ESRRG: variants seen among roughly 807,000 people sequenced by gnomAD.
The protein encoded by ESRRG is estrogen-related receptor gamma.
A neutral mutation model predicts 44.0 loss-of-function variants in ESRRG; 13 were observed. The ratio of observed to expected loss-of-function variants is 0.30; its 90% CI spans 0.19 to 0.47. The LOEUF (loss-of-function observed/expected upper bound fraction) is 0.47, where lower values mean the gene tolerates loss of function less well. Ranked by LOEUF, ESRRG falls within the 20% of genes least tolerant of loss-of-function variation. The pLI is 1.00. For synonymous variants in ESRRG, 215 were observed against 214.6 expected, an observed-to-expected ratio of 1.00 and a Z score of -0.02; for missense variants, 395 against 580.6, an observed-to-expected ratio of 0.68 and a Z score of 3.29.
intron 1 of ESRRG, among the ~76,000 whole-genome samples, chr1:217,107,106 G>A (rs1159270986): frequency 2.6e-5 from 4 of 152,100 alleles, no homozygotes; most frequent in Non-Finnish European, 5.9e-5. Context: ...TGATTAATCT[G>A]AATATCCTCT....
chr1:216,525,324 C>T (rs997749810), intron 5 of ESRRG, among the ~76,000 whole-genome samples: 4 of 152,086 alleles, frequency 2.6e-5, no homozygotes, highest in African/African-American at 7.2e-5. Context: ...TGTGCAGTTC[C>T]TCTTTGGAAG....
intron 1 of ESRRG, among the ~76,000 whole-genome samples, chr1:216,993,046 G>A (rs926128105): frequency 2.6e-5 from 4 of 152,096 alleles, no homozygotes; most frequent in Admixed American, 1.3e-4. Context: ...CTACCAACCC[G>A]AATGTAAGTT....
At chr1:217,127,353 T>C (rs984221017) in intron 1 of ESRRG, among the ~76,000 whole-genome samples, 1 of 152,194 alleles carries the variant, frequency 6.6e-6, no homozygotes, top group African/African-American at 2.4e-5. Flanking sequence ...CTTATGCAGG[T>C]AAACAGGTGA....
intron 2 of ESRRG, among the ~76,000 whole-genome samples, chr1:216,764,285 T>C (rs1288015901): frequency 2.6e-5 from 4 of 152,018 alleles, no homozygotes; most frequent in Non-Finnish European, 2.9e-5. Flanking sequence ...TCTTTTTTTT[T>C]TTCTGACAGG....
At chr1:216,851,652 A>T (rs1352183298) in intron 2 of ESRRG, among the ~76,000 whole-genome samples, 2 of 152,170 alleles carry the variant, frequency 1.3e-5, no homozygotes, top group South Asian at 2.1e-4. Context: ...CAGCCTCCAG[A>T]ACTGTAAGAA....
At chr1:216,558,476 G>T (rs1377078171) in intron 5 of ESRRG, among the ~76,000 whole-genome samples, 4 of 152,008 alleles carry the variant, frequency 2.6e-5, no homozygotes, top group Admixed American at 2.0e-4. Flanking sequence ...TGTTTGTTCT[G>T]AATTTTTATA....
intron 3 of ESRRG, among the ~76,000 whole-genome samples, chr1:216,631,660 T>G (rs1454626949): frequency 6.6e-6 from 1 of 152,146 alleles, no homozygotes; most frequent in Non-Finnish European, 1.5e-5. Context: ...TATATAAGTA[T>G]ATATACGATA....
intron 1 of ESRRG, among the ~76,000 whole-genome samples, chr1:216,984,456 C>T (rs1029706511): frequency 6.6e-6 from 1 of 152,170 alleles, no homozygotes; most frequent in Non-Finnish European, 1.5e-5. Flanking sequence ...AATATGGAAG[C>T]TTCTTATAAT....
At chr1:216,710,011 A>T (rs1353135808) in intron 1 of ESRRG, among the ~76,000 whole-genome samples, 2 of 152,082 alleles carry the variant, frequency 1.3e-5, no homozygotes, top group Non-Finnish European at 2.9e-5. Flanking sequence ...TTATAGTTTT[A>T]AAAAAAGAGA....
chr1:216,667,602 C>T (rs2074210791), intron 2 of ESRRG, among the ~76,000 whole-genome samples: 1 of 145,066 alleles, frequency 6.9e-6, no homozygotes, highest in Non-Finnish European at 1.5e-5. Context: ...ACAAGAATCG[C>T]TTGAATCCGG....
At chr1:216,604,992 G>A (rs1429762946) in intron 3 of ESRRG, among the ~76,000 whole-genome samples, 1 of 152,172 alleles carries the variant, frequency 6.6e-6, no homozygotes, top group African/African-American at 2.4e-5. Context: ...GTGGATGGAA[G>A]GAGGGAGGGG....
intron 2 of ESRRG, among the ~76,000 whole-genome samples, chr1:216,763,693 G>T (rs7534122): frequency 0.02 from 3,118 of 152,206 alleles, 100 homozygotes; most frequent in African/African-American, 0.071. Context: ...AGTTGTTAAA[G>T]TTTTCACTGT....
At chr1:216,898,372 C>T (rs1331677593) in intron 2 of ESRRG, among the ~76,000 whole-genome samples, 1 of 152,154 alleles carries the variant, frequency 6.6e-6, no homozygotes, top group Non-Finnish European at 1.5e-5. Context: ...AATCCCAGCA[C>T]TTTGGGAGGC....
upstream of ESRRG, among the ~76,000 whole-genome samples, chr1:217,092,962 A>G (rs1298980217): frequency 1.3e-5 from 2 of 151,704 alleles, no homozygotes; most frequent in African/African-American, 4.9e-5. Flanking sequence ...GAAGCATTCT[A>G]TGATAAGGTA....
rs116050223 is a variant in ESRRG, at chr1:216,664,760, T to G, written c.472+12316A>C. Among the ~76,000 whole-genome samples the G allele has an allele frequency of 1.7e-3, 258 of 151,152 alleles. 2 individuals carry two copies. Among genetic ancestry groups the G allele is most frequent in the African/African-American group, 5.6e-3 (230 of 41,294 alleles). On this transcript the variant is annotated intron_variant, in intron 2 of 6. Coordinates refer to ENST00000408911, the MANE Select transcript of ESRRG (RefSeq NM_001438.4). ...TACGAAGAAATTAGAACACTTGTGC[T>G]CTGTTGATGGTAATATAAAATTGTA...
At chr1:216,638,151 G>T (rs987038486) in intron 3 of ESRRG, among the ~76,000 whole-genome samples, 19 of 152,224 alleles carry the variant, frequency 1.2e-4, no homozygotes, top group African/African-American at 4.3e-4. Flanking sequence ...GTGAAGAATG[G>T]AATACTAAAA....
chr1:217,022,047 A>G (rs1055297853), intron 1 of ESRRG, among the ~76,000 whole-genome samples: 5 of 152,214 alleles, frequency 3.3e-5, no homozygotes, highest in African/African-American at 1.2e-4. Flanking sequence ...TAGGGATATT[A>G]TGGTGTGCTC....
At chr1:217,123,783 G>C (rs778563581) in intron 1 of ESRRG, among the ~76,000 whole-genome samples, 2 of 152,108 alleles carry the variant, frequency 1.3e-5, no homozygotes, top group Non-Finnish European at 2.9e-5. Context: ...AAGAGCATTA[G>C]GGAAAAGAGC....
chr1:216,546,478 G>A (rs1377204112), intron 5 of ESRRG, among the ~76,000 whole-genome samples: 1 of 152,060 alleles, frequency 6.6e-6, no homozygotes, highest in African/African-American at 2.4e-5. Context: ...CGTGCAAACT[G>A]CAGGAAGCCA....
Sources: allele counts gnomAD v4.1 joint callset (sites outside exome capture counted in the v4.1 genomes callset), GRCh38; gene constraint gnomAD v4.1.1; transcripts MANE v1.5; gene names NCBI Gene and HGNC (gene_info 2026-07-23, HGNC 2026-07-21).